NBEA: variants seen among roughly 807,000 people sequenced by gnomAD.
NBEA encodes neurobeachin.
A neutral mutation model predicts 343.4 loss-of-function variants in NBEA; 44 were observed. That is an observed-to-expected ratio of 0.13 (90% confidence interval 0.10 to 0.16). The LOEUF (loss-of-function observed/expected upper bound fraction) is 0.16. Ranked by LOEUF, NBEA falls within the 10% of genes least tolerant of loss-of-function variation. The probability of loss-of-function intolerance (pLI) is 1.00; values close to 1 mark genes in which losing one functional copy is unlikely to be tolerated. For missense variants in NBEA, 2,555 were observed against 3,631.3 expected, an observed-to-expected ratio of 0.70 and a Z score of 7.62; for synonymous variants, 1,175 against 1,238.7, an observed-to-expected ratio of 0.95 and a Z score of 1.08.
chr13:35,620,383 C>G (rs9544845), intron 48 of NBEA, among the ~76,000 whole-genome samples: 1 of 151,496 alleles, frequency 6.6e-6, no homozygotes, highest in Non-Finnish European at 1.5e-5. Context: ...AAGTGACTCT[C>G]TTGGGGAAAG....
chr13:35,006,197 CT>C (rs910579466), intron 1 of NBEA, among the ~76,000 whole-genome samples: 117 of 150,916 alleles, frequency 7.8e-4, no homozygotes, highest in Non-Finnish European at 1.2e-3. Context: ...GTACATTTTT[CT>C]TTTTTTTTCC....
At chr13:35,069,707 T>C (rs2063792656) in intron 8 of NBEA, among the ~76,000 whole-genome samples, 1 of 152,154 alleles carries the variant, frequency 6.6e-6, no homozygotes, top group East Asian at 1.9e-4. Context: ...AATGAAGATC[T>C]GAGCATTTTT....
At chr13:35,311,387 C>T (rs1594169366) in intron 36 of NBEA, among the ~76,000 whole-genome samples, 1 of 151,626 alleles carries the variant, frequency 6.6e-6, no homozygotes, top group East Asian at 1.9e-4. Flanking sequence ...AACCTCTAAA[C>T]ACTTAAATTA....
intron 1 of NBEA, among the ~76,000 whole-genome samples, chr13:35,004,249 T>C (rs1279008091): frequency 2.6e-5 from 4 of 152,186 alleles, no homozygotes; most frequent in Non-Finnish European, 5.9e-5. Context: ...CACGTGTGCA[T>C]GTATTTTTGT....
rs543797925 is a variant in NBEA at position 35,193,316 on chromosome 13, G to T, written c.4928-2548G>T. ...TATTTTATCAACTTCCAAAATTTTG[G>T]CTATTGCCTCAGTTTGAATGATCCC... On this transcript the variant is annotated intron_variant, in intron 30 of 58. Coordinates refer to ENST00000379939, the MANE Select transcript of NBEA (RefSeq NM_001385012.1). Among the ~76,000 whole-genome samples, 3 of 151,770 alleles carry T rather than the reference G, an allele frequency of 2.0e-5. No individual in the cohort carries two copies. The East Asian group carries it at 5.8e-4, about 29-fold the overall frequency.
intron 47 of NBEA, among the ~76,000 whole-genome samples, chr13:35,599,870 G>A (rs1238489308): frequency 6.6e-6 from 1 of 152,176 alleles, no homozygotes; most frequent in Non-Finnish European, 1.5e-5. Flanking sequence ...GTCTGAGTGT[G>A]CATTTAGACA....
intron 1 of NBEA, among the ~76,000 whole-genome samples, chr13:34,960,898 G>A (rs2059640845): frequency 1.3e-5 from 2 of 152,078 alleles, no homozygotes; most frequent in South Asian, 4.1e-4. Flanking sequence ...TATTAGTGAT[G>A]TGCACTCTGA....
rs367887179 is a variant in NBEA, at chr13:35,194,481, C to G, written c.4928-1383C>G. ...TACTGATTTTCAATTTTTAGGAGAT[C>G]TTTGAAATAATTTAGTCTGTGCTTC... is the stretch of plus-strand genomic sequence containing the variant. On this transcript the variant is annotated intron_variant, in intron 30 of 58. Transcript: ENST00000379939. 1.2e-4 allele frequency among the ~76,000 whole-genome samples: 18 copies of G among 152,144 alleles called. No individual in the cohort carries two copies. In the East Asian group the frequency reaches 2.3e-3, roughly 20 times the overall value.
intron 41 of NBEA, 121 bp from the exon 42 acceptor site, chr13:35,550,356 C>A (rs559263179): frequency 3.4e-6 from 2 of 587,726 alleles, no homozygotes; most frequent in East Asian, 3.0e-5. Context: ...AAATTATTGA[C>A]AATGTTGTGA....
Position 35,165,138 on chromosome 13 carries a change from A to T in NBEA, c.4233+629A>T. ...AAACTCATCCTTAAGCTCAGAAAGC[A>T]TACCTTTGCCAGAGGGAAATATTTC... On this transcript the variant is annotated intron_variant, in intron 24 of 58. Transcript: ENST00000379939. The T allele has an allele frequency of 5.6e-6, 3 of 533,526 alleles. 1 individual carries two copies. Among genetic ancestry groups the T allele is most frequent in the South Asian group, 4.2e-5 (3 of 71,418 alleles). The allele number at this position is 533,526 out of a possible 1,614,324, so 33.0% of individuals were successfully genotyped here. A position where few individuals can be genotyped will look rare whatever the true frequency, so the allele number is the denominator to read the frequency against.
At chr13:35,576,039 T>C (rs149632077) in intron 45 of NBEA, among the ~76,000 whole-genome samples, 38 of 152,288 alleles carry the variant, frequency 2.5e-4, no homozygotes, top group African/African-American at 9.1e-4. Context: ...TTTAACTCGC[T>C]GTAACTAGTA....
At chr13:35,063,411 A>C (rs1022669850) in intron 8 of NBEA, among the ~76,000 whole-genome samples, 6 of 152,038 alleles carry the variant, frequency 3.9e-5, no homozygotes, top group Non-Finnish European at 7.4e-5. Flanking sequence ...ATGCTAGCCA[A>C]GTGGATATAC....
chr13:35,549,831 A>G (rs2079228767), intron 41 of NBEA, among the ~76,000 whole-genome samples: 1 of 152,258 alleles, frequency 6.6e-6, no homozygotes. Flanking sequence ...GGACTGGCTT[A>G]GACCATGGGT....
At chr13:35,530,147 C>A (rs1023824274) in intron 41 of NBEA, among the ~76,000 whole-genome samples, 1 of 152,068 alleles carries the variant, frequency 6.6e-6, no homozygotes, top group Non-Finnish European at 1.5e-5. Flanking sequence ...ACATGGATTG[C>A]GTGTGTTAGT....
chr13:35,472,330 G>GT, intron 40 of NBEA, 70 bp from the exon 41 acceptor site: 1 of 1,538,922 alleles, frequency 6.5e-7, no homozygotes, highest in Non-Finnish European at 8.7e-7. Context: ...AAAACCTCTG[G>GT]TACCTTTCTG....
Position 34,982,526 on chromosome 13 carries a change from C to G in NBEA, c.294+39412C>G, listed in dbSNP as rs533380303. Among the ~76,000 whole-genome samples the G allele has an allele frequency of 2.4e-4, 36 of 152,262 alleles. No homozygotes were observed. In the East Asian group the frequency reaches 7.0e-3, roughly 29 times the overall value. On this transcript the variant is annotated intron_variant, in intron 1 of 58. Transcript: ENST00000379939. ...ATGTTGGCCAGGCTGGTCTTGAACT[C>G]CTGGCCTCAGGTAATCCTCCTGCCT...
chr13:35,011,436 A>G (rs1051672522), intron 1 of NBEA, among the ~76,000 whole-genome samples: 3 of 152,208 alleles, frequency 2.0e-5, no homozygotes, highest in African/African-American at 4.8e-5. Flanking sequence ...TGAATACTAT[A>G]ATATACAAAT....
chr13:34,961,788 A>G (rs533993615), intron 1 of NBEA, among the ~76,000 whole-genome samples: 73 of 151,990 alleles, frequency 4.8e-4, no homozygotes, highest in Non-Finnish European at 8.5e-4. Flanking sequence ...AAGTCTTTAT[A>G]AAGGTGATGA....
At chr13:34,960,584 A>C (rs1348920071) in intron 1 of NBEA, among the ~76,000 whole-genome samples, 1 of 152,012 alleles carries the variant, frequency 6.6e-6, no homozygotes, top group East Asian at 1.9e-4. Flanking sequence ...CAGGTGTACC[A>C]TGTTTTATCT....
Sources: gnomAD v4.1 joint callset for allele counts (sites outside exome capture counted in the v4.1 genomes callset) on GRCh38, gnomAD v4.1.1 for gene constraint, MANE v1.5 for transcripts, NCBI Gene and HGNC (gene_info 2026-07-23, HGNC 2026-07-21) for gene names.